The following PCDH10 variants were observed in gnomAD, a reference collection of about 807,000 sequenced individuals.
PCDH10 encodes protocadherin 10.
In PCDH10, 15 loss-of-function variants were observed where a neutral mutation model predicts 74.4. The observed-to-expected ratio is 0.20, with a 90% CI of 0.13 to 0.31. PCDH10 has a LOEUF of 0.31. Among genes scored for constraint, PCDH10 ranks in the 10% least tolerant of loss-of-function variants. The pLI is 1.00. For missense variants in PCDH10, 1,260 were observed against 1,390.2 expected (o/e 0.91, Z 1.49); for synonymous variants, 619 against 589.8 (o/e 1.05, Z -0.72).
chr4:133,152,372 G>T lies in PCDH10; in HGVS notation c.2232G>T (p.Lys744Asn), dbSNP rs199885169. ...TGGCCGTGCGTTGCCAAAAAGAGAA[G>T]AAGCTCAACATCTATACTTGTCTGG... The part of the protein sequence containing the change: ...IVLAVRCQKE[K>N]KLNIYTCLAS... The change falls in exon 1 of 5, where the codon AAG becomes AAT. Residue 744 changes from lysine (K) to asparagine (N), a missense_variant. Physicochemically the swap from Lys to Asn is moderately conservative, Grantham distance 94 (BLOSUM62 0). Coordinates refer to ENST00000264360, the MANE Select transcript of PCDH10 (RefSeq NM_032961.3). 119 of 1,614,108 alleles carry T rather than the reference G, an allele frequency of 7.4e-5. No individual in the cohort carries two copies. Among genetic ancestry groups the T allele is most frequent in the East Asian group, 1.8e-4 (8 of 44,886 alleles).
intron 2 of PCDH10, among the ~76,000 whole-genome samples, chr4:133,200,876 G>A (rs1727895098): frequency 6.6e-6 from 1 of 152,102 alleles, no homozygotes; most frequent in African/African-American, 2.4e-5. Flanking sequence ...ATAAATTATA[G>A]CATCTAGAAC....
At chr4:133,197,341 A>G (rs1183743728), downstream of PCDH10, among the ~76,000 whole-genome samples, 1 of 152,210 alleles carries the variant, frequency 6.6e-6, no homozygotes, top group African/African-American at 2.4e-5. Flanking sequence ...AGTATTCGGT[A>G]TCTGCTCAAT....
chr4:133,192,159 A>T lies in PCDH10; in HGVS notation c.*1999A>T, dbSNP rs779388328. 6.6e-6 allele frequency: 1 copy of T among 151,716 alleles called. No homozygotes were observed. Among genetic ancestry groups the T allele is most frequent in the Non-Finnish European group, 1.5e-5 (1 of 67,684 alleles). 9.4% of individuals were successfully genotyped at this position (151,716 alleles called of 1,614,324 possible). A position where few individuals can be genotyped will look rare whatever the true frequency, so the allele number is the denominator to read the frequency against. On this transcript the variant is annotated 3_prime_UTR_variant, in exon 5 of 5. Transcript: ENST00000264360. Reference sequence around the variant, plus strand: ...CTCTTTAAACATATATGAAGCTAACAGATCATATGTAATACAAAAAGCACA... The same window carrying T: ...CTCTTTAAACATATATGAAGCTAACTGATCATATGTAATACAAAAAGCACA...
chr4:133,163,486 A>T (rs1372735212), intron 4 of PCDH10, among the ~76,000 whole-genome samples: 1 of 152,150 alleles, frequency 6.6e-6, no homozygotes, highest in Non-Finnish European at 1.5e-5. Flanking sequence ...AATTGCACTG[A>T]GCTCTTTCAA....
intron 1 of PCDH10, chr4:133,153,123 T>C: frequency 7.9e-7 from 1 of 1,268,074 alleles, no homozygotes; most frequent in South Asian, 2.7e-5. Context: ...GGACTTACTT[T>C]CTAGCACTGG....
rs1346341487 is a variant in PCDH10, at chr4:133,194,159, T to A, written c.*3999T>A. Reference sequence around the variant, plus strand: ...GACTAAAATTCTAATACTTTTAGTGTGCATGCGTGTATTTCTAATCACTGT... The same window carrying A: ...GACTAAAATTCTAATACTTTTAGTGAGCATGCGTGTATTTCTAATCACTGT... On this transcript the variant is annotated 3_prime_UTR_variant, in exon 5 of 5. Coordinates refer to ENST00000264360, the MANE Select transcript of PCDH10 (RefSeq NM_032961.3). The A allele has an allele frequency of 3.4e-4, 51 of 151,900 alleles. 1 individual carries two copies. Among genetic ancestry groups the A allele is most frequent in the Non-Finnish European group, 4.6e-4 (31 of 67,794 alleles). The allele number at this position is 151,900 out of a possible 1,614,324, so 9.4% of individuals were successfully genotyped here.
chr4:133,198,413 T>A (rs929618040), downstream of PCDH10, among the ~76,000 whole-genome samples: 1 of 152,170 alleles, frequency 6.6e-6, no homozygotes, highest in African/African-American at 2.4e-5. Flanking sequence ...AGTTTTAACC[T>A]GACAAAGAAT....
chr4:133,150,015 C>T lies in PCDH10; in HGVS notation c.-126C>T. 7.5e-7 allele frequency: 1 copy of T among 1,327,934 alleles called. No homozygotes were observed. The highest frequency in any genetic ancestry group is 9.9e-7 in the Non-Finnish European group (1 of 1,006,336). 82.3% of individuals were successfully genotyped at this position (1,327,934 alleles called of 1,614,324 possible). A position where few individuals can be genotyped will look rare whatever the true frequency, so the allele number is the denominator to read the frequency against. ...GAGTAAGATTTTTAAAGACAGAAAGCCACAGGAGCCCCCACGTAGCGCACT... is the reference window on the plus strand; with the variant it reads ...GAGTAAGATTTTTAAAGACAGAAAGTCACAGGAGCCCCCACGTAGCGCACT... On this transcript the variant is annotated 5_prime_UTR_variant, in exon 1 of 5. Transcript: ENST00000264360.
chr4:133,198,229 T>C (rs1405585989), downstream of PCDH10, among the ~76,000 whole-genome samples: 1 of 152,044 alleles, frequency 6.6e-6, no homozygotes, highest in African/African-American at 2.4e-5. Context: ...ACCACCCTTA[T>C]TTATGACAGG....
At chr4:133,179,137 T>C (rs1459532753) in intron 4 of PCDH10, among the ~76,000 whole-genome samples, 3 of 152,176 alleles carry the variant, frequency 2.0e-5, no homozygotes, top group Non-Finnish European at 4.4e-5. Context: ...GAATGCAAAC[T>C]ACTTCCAGAT....
intron 4 of PCDH10, among the ~76,000 whole-genome samples, chr4:133,186,408 T>G (rs1560714799): frequency 6.6e-6 from 1 of 152,056 alleles, no homozygotes; most frequent in Admixed American, 6.6e-5. Flanking sequence ...ATTCCCTACA[T>G]GCTGATGCAT....
intron 2 of PCDH10, among the ~76,000 whole-genome samples, chr4:133,203,258 A>G (rs1315585991): frequency 6.6e-6 from 1 of 152,120 alleles, no homozygotes; most frequent in Non-Finnish European, 1.5e-5. Flanking sequence ...CCAATTTTAT[A>G]TCTTTATTTC....
intron 4 of PCDH10, among the ~76,000 whole-genome samples, chr4:133,180,288 A>G (rs1727388068): frequency 6.6e-6 from 1 of 152,100 alleles, no homozygotes; most frequent in Non-Finnish European, 1.5e-5. Context: ...CATTGTGGAT[A>G]TGTATAATAT....
chr4:133,196,450 T>TATTTGATTAAGTGA (rs1251597507), downstream of PCDH10, among the ~76,000 whole-genome samples: 4 of 152,156 alleles, frequency 2.6e-5, no homozygotes, highest in Admixed American at 6.6e-5. Context: ...TGGTGCCAGC[T>TATTTGATTAAGTGA]ATTTGATTAA....
chr4:133,187,529 C>T (rs1404409350), intron 4 of PCDH10, among the ~76,000 whole-genome samples: 5 of 151,940 alleles, frequency 3.3e-5, no homozygotes, highest in African/African-American at 7.2e-5. Context: ...TTCTGACCTT[C>T]GGAACTTAGA....
chr4:133,178,165 A>G (rs760300991), intron 4 of PCDH10, among the ~76,000 whole-genome samples: 1 of 152,186 alleles, frequency 6.6e-6, no homozygotes, highest in African/African-American at 2.4e-5. Context: ...TAATAATACC[A>G]ATAGTAATAG....
chr4:133,208,469 G>A (rs1032426330), exon 3 of PCDH10: 10 of 152,064 alleles, frequency 6.6e-5, no homozygotes, highest in African/African-American at 9.7e-5. Flanking sequence ...TACACACCCT[G>A]TTGCTTTACC....
rs1727668338 is a variant in PCDH10 at position 133,191,496 on chromosome 4, C to T, written c.*1336C>T. The T allele has an allele frequency of 6.6e-6, 1 of 152,016 alleles. No individual in the cohort carries two copies. The highest frequency in any genetic ancestry group is 2.4e-5 in the African/African-American group (1 of 41,374). 9.4% of individuals were successfully genotyped at this position (152,016 alleles called of 1,614,324 possible). On this transcript the variant is annotated 3_prime_UTR_variant, in exon 5 of 5. Coordinates refer to ENST00000264360, the MANE Select transcript of PCDH10 (RefSeq NM_032961.3). ...TCAGTGTTTGATTAATGAAAAAATT[C>T]TTCATGAGTCAGCCTTCAAAAGTTA...
At chr4:133,154,483 G>A in intron 2 of PCDH10, 118 bp downstream of exon 2, 4 of 594,550 alleles carry the variant, frequency 6.7e-6, no homozygotes, top group East Asian at 3.0e-5. Flanking sequence ...AATTAAGGCA[G>A]GACATAAATA....
Sources: allele counts gnomAD v4.1 joint callset (sites outside exome capture counted in the v4.1 genomes callset), GRCh38; gene constraint gnomAD v4.1.1; transcripts MANE v1.5; gene names NCBI Gene and HGNC (gene_info 2026-07-23, HGNC 2026-07-21).